Variants in RABGAP1L observed in about 807,000 individuals in gnomAD.
The protein encoded by RABGAP1L is RAB GTPase activating protein 1 like, also known as rab GTPase-activating protein 1-like.
RABGAP1L carries 63 observed loss-of-function variants against 137.7 expected under a neutral mutation model. That is an observed-to-expected ratio of 0.46 (90% CI 0.37 to 0.56). RABGAP1L has a LOEUF of 0.56. RABGAP1L is among the 20% of genes least tolerant of loss of function. The pLI, the probability that RABGAP1L is intolerant of heterozygous loss-of-function variation, is 0.00. For missense variants in RABGAP1L, 1,095 were observed against 1,244.0 expected, an observed-to-expected ratio of 0.88 and a Z score of 1.80; for synonymous variants, 431 against 433.7, an observed-to-expected ratio of 0.99 and a Z score of 0.08.
At chr1:174,274,970 G>C (rs1674858925) in intron 8 of RABGAP1L, 1 of 152,156 alleles carries the variant, frequency 6.6e-6, no homozygotes, top group South Asian at 2.1e-4. Flanking sequence ...AAATATTGTA[G>C]ATACTGTTCA....
chr1:174,886,319 A>G (rs1655117096), intron 19 of RABGAP1L, among the ~76,000 whole-genome samples: 1 of 152,204 alleles, frequency 6.6e-6, no homozygotes, highest in Admixed American at 6.5e-5. Flanking sequence ...GCGAGAAACC[A>G]ATATTACATC....
At chr1:174,906,870 G>C (rs951763519) in intron 19 of RABGAP1L, among the ~76,000 whole-genome samples, 1 of 148,026 alleles carries the variant, frequency 6.8e-6, no homozygotes, top group Non-Finnish European at 1.5e-5. Flanking sequence ...GGCCATGAGG[G>C]GATGAAGTGA....
At chr1:174,814,993 G>A (rs151099821) in intron 19 of RABGAP1L, among the ~76,000 whole-genome samples, 12 of 151,954 alleles carry the variant, frequency 7.9e-5, no homozygotes, top group East Asian at 7.7e-4. Context: ...CCAACCTATT[G>A]TATTGTATTG....
intron 12 of RABGAP1L, among the ~76,000 whole-genome samples, chr1:174,387,416 G>T (rs1330439107): frequency 6.6e-6 from 1 of 152,128 alleles, no homozygotes; most frequent in Non-Finnish European, 1.5e-5. Context: ...AAGCATTGTA[G>T]ACCTAATGGA....
intron 13 of RABGAP1L, among the ~76,000 whole-genome samples, chr1:174,483,652 C>A (rs945016706): frequency 3.9e-5 from 6 of 151,974 alleles, no homozygotes; most frequent in Admixed American, 3.9e-4. Flanking sequence ...CATGGTGAAA[C>A]CTCGTCTCTA....
chr1:174,552,733 A>G (rs1666634625), intron 13 of RABGAP1L, among the ~76,000 whole-genome samples: 1 of 152,120 alleles, frequency 6.6e-6, no homozygotes, highest in African/African-American at 2.4e-5. Context: ...TCCTCCGGGT[A>G]TATACTCAGT....
At chr1:174,870,053 G>C (rs1212366928) in intron 19 of RABGAP1L, among the ~76,000 whole-genome samples, 9 of 152,160 alleles carry the variant, frequency 5.9e-5, no homozygotes, top group African/African-American at 2.2e-4. Flanking sequence ...ATCAAACCAG[G>C]TTATTCTAAA....
chr1:174,774,565 A>G (rs969602145), intron 18 of RABGAP1L, among the ~76,000 whole-genome samples: 2 of 149,960 alleles, frequency 1.3e-5, no homozygotes, highest in Non-Finnish European at 3.0e-5. Flanking sequence ...TTTTTTTTCT[A>G]TTTAGAAAGA....
At chr1:174,501,687 C>T (rs1254631532) in intron 13 of RABGAP1L, among the ~76,000 whole-genome samples, 2 of 151,952 alleles carry the variant, frequency 1.3e-5, no homozygotes, top group Non-Finnish European at 2.9e-5. Flanking sequence ...TTGCATAACA[C>T]TTTACTTTTT....
rs1369390573 is a variant in RABGAP1L, at chr1:174,941,689, A to T, written c.2341-15768A>T. ...CCTCCTCCTCCCCCACCAAAACGAAACAAAACAAAACAAAACAAAACAAAA... is the reference window on the plus strand; with the variant it reads ...CCTCCTCCTCCCCCACCAAAACGAATCAAAACAAAACAAAACAAAACAAAA... On this transcript the variant is annotated intron_variant, in intron 19 of 25. Coordinates refer to ENST00000681986, the MANE Select transcript of RABGAP1L (RefSeq NM_001366446.1). Among the ~76,000 whole-genome samples the T allele has an allele frequency of 7.1e-5, 3 of 42,196 alleles. No individual in the cohort carries two copies. In the East Asian group the frequency reaches 1.2e-3, roughly 16 times the overall value. The allele number at this position is 42,196 out of a possible 152,430, so 27.7% of individuals were successfully genotyped here.
In RABGAP1L at chr1:174,168,648, C is replaced by T. The variant is rs191687788; in HGVS notation, c.-34+8991C>T. The stretch of plus-strand genomic sequence containing the variant: ...CAGTTAATGTCTTCTTCTCTCCATT[C>T]CTTTTTTCCTTCTGTATTCTAGAAG... On this transcript the variant is annotated intron_variant, in intron 1 of 25. Transcript: ENST00000681986. Among the ~76,000 whole-genome samples, 178 of 152,250 alleles carry T rather than the reference C, an allele frequency of 1.2e-3. 1 individual carries two copies. The highest frequency in any genetic ancestry group is 4.2e-3 in the African/African-American group (174 of 41,554).
intron 1 of RABGAP1L, among the ~76,000 whole-genome samples, chr1:174,160,450 G>A (rs1664349213): frequency 6.6e-6 from 1 of 152,176 alleles, no homozygotes; most frequent in Admixed American, 6.5e-5. Context: ...CTGAACTGAC[G>A]GGTTTCAGAT....
chr1:174,755,716 G>A (rs1269029202), intron 18 of RABGAP1L, among the ~76,000 whole-genome samples: 1 of 152,192 alleles, frequency 6.6e-6, no homozygotes, highest in African/African-American at 2.4e-5. Flanking sequence ...ATATATGTAT[G>A]TATGTATATT....
chr1:174,462,974 A>G (rs1656862872), intron 13 of RABGAP1L, among the ~76,000 whole-genome samples: 1 of 152,218 alleles, frequency 6.6e-6, no homozygotes, highest in South Asian at 2.1e-4. Flanking sequence ...ACCATCTCAC[A>G]CCAGTTAGAA....
intron 18 of RABGAP1L, among the ~76,000 whole-genome samples, chr1:174,770,098 AT>A (rs1369828944): frequency 4.6e-5 from 7 of 152,192 alleles, no homozygotes; most frequent in African/African-American, 2.4e-5. Context: ...ATTTGCAATG[AT>A]TTTGTACATT....
At chr1:174,742,456 G>T (rs892006724) in intron 17 of RABGAP1L, among the ~76,000 whole-genome samples, 3 of 152,168 alleles carry the variant, frequency 2.0e-5, no homozygotes, top group African/African-American at 4.8e-5. Context: ...GGCGGAGGTT[G>T]CAGTGAGCTG....
chr1:174,748,414 A>G lies in RABGAP1L; in HGVS notation c.2170-3899A>G, dbSNP rs1181006992. Among the ~76,000 whole-genome samples, 4 of 152,178 alleles carry G rather than the reference A, an allele frequency of 2.6e-5. No individual in the cohort carries two copies. In the South Asian group the frequency reaches 8.3e-4, roughly 31 times the overall value. ...GTGATTCTAGCCTGTTACTAAACAC[A>G]TATGTAAACCAAAAACATCTGAGAT... On this transcript the variant is annotated intron_variant, in intron 17 of 25. Coordinates refer to ENST00000681986, the MANE Select transcript of RABGAP1L (RefSeq NM_001366446.1).
intron 16 of RABGAP1L, 33 bp from the exon 17 acceptor site, chr1:174,702,080 C>T: frequency 1.3e-6 from 2 of 1,595,110 alleles, no homozygotes; most frequent in Non-Finnish European, 1.7e-6. Context: ...GCAAGCTTCT[C>T]ATTGCTCCTA....
intron 19 of RABGAP1L, among the ~76,000 whole-genome samples, chr1:174,946,815 C>T (rs909953361): frequency 2.0e-5 from 3 of 147,306 alleles, no homozygotes; most frequent in East Asian, 4.0e-4. Context: ...GCAGGAGAAT[C>T]GCTTGAACTC....
Sources: gnomAD v4.1 joint callset for allele counts (sites outside exome capture counted in the v4.1 genomes callset) on GRCh38, gnomAD v4.1.1 for gene constraint, MANE v1.5 for transcripts, NCBI Gene and HGNC (gene_info 2026-07-23, HGNC 2026-07-21) for gene names.